The following CUBN variants were observed in gnomAD, a reference collection of about 807,000 sequenced individuals.
The protein encoded by CUBN is 460 kDa receptor.
In CUBN, 282 loss-of-function variants were observed where a neutral mutation model predicts 405.3. That is an observed-to-expected ratio of 0.70 (90% confidence interval 0.63 to 0.77). The LOEUF is 0.77. Ranked by LOEUF, CUBN falls within the 30% of genes least tolerant of loss-of-function variation. The probability of loss-of-function intolerance (pLI) is 0.00; values close to 1 mark genes in which losing one functional copy is unlikely to be tolerated. For synonymous variants in CUBN, 1,684 were observed against 1,617.0 expected, an observed-to-expected ratio of 1.04 and a Z score of -0.99; for missense variants, 4,514 against 4,475.2, an observed-to-expected ratio of 1.01 and a Z score of -0.25.
intron 19 of CUBN, among the ~76,000 whole-genome samples, chr10:17,069,535 CT>C (rs1835689251): frequency 6.6e-6 from 1 of 151,932 alleles, no homozygotes; most frequent in Non-Finnish European, 1.5e-5. Context: ...TGGGTGTGTC[CT>C]TTTGTTTTTG....
intron 27 of CUBN, among the ~76,000 whole-genome samples, chr10:17,035,089 A>C (rs949633566): frequency 8.4e-6 from 1 of 119,426 alleles, no homozygotes; most frequent in Non-Finnish European, 2.0e-5. Context: ...TAAAAAAAAA[A>C]AATAAACAAA....
intron 27 of CUBN, among the ~76,000 whole-genome samples, chr10:17,036,917 T>C (rs576563964): frequency 6.6e-6 from 1 of 152,298 alleles, no homozygotes; most frequent in South Asian, 2.1e-4. Flanking sequence ...GTATGTGGTG[T>C]TATGGCTGAG....
intron 58 of CUBN, among the ~76,000 whole-genome samples, chr10:16,872,357 T>TATATATATATATATATAG (rs980619583): frequency 6.6e-6 from 1 of 151,272 alleles, no homozygotes; most frequent in African/African-American, 2.4e-5. Context: ...TACATATATA[T>TATATATATATATATATAG]ATAGATAGAT....
At chr10:16,946,873 A>C (rs1375206373) in intron 36 of CUBN, among the ~76,000 whole-genome samples, 1 of 152,162 alleles carries the variant, frequency 6.6e-6, no homozygotes, top group Non-Finnish European at 1.5e-5. Flanking sequence ...AGAATGCTTA[A>C]TTGAGATGGG....
rs372958337 is a variant in CUBN, at chr10:16,841,037, C to A, written c.9674G>T (p.Gly3225Val). The change falls in exon 61 of 67, where the codon GGG (glycine) becomes GTG (valine). Residue 3225 changes from glycine (G) to valine (V), a missense_variant. This residue lies in a region of CUBN where 1,186 missense variants were observed against 1,186.9 expected (regional missense o/e 1.00). Transcript: ENST00000377833. ...AGCCAAGTTCGCATTTTCACTATCCCCATCATATAACTGAGAAGAAAAACA... is the reference window on the plus strand; with the variant it reads ...AGCCAAGTTCGCATTTTCACTATCCACATCATATAACTGAGAAGAAAAACA... ...CLYDYVKLYD[G>V]DSENANLAGT... The A allele has an allele frequency of 1.9e-6, 3 of 1,613,812 alleles. No individual in the cohort carries two copies. The African/African-American group carries it at 4.0e-5, about 22-fold the overall frequency.
At chr10:17,116,683 T>C (rs1836908744) in intron 6 of CUBN, among the ~76,000 whole-genome samples, 1 of 152,166 alleles carries the variant, frequency 6.6e-6, no homozygotes, top group Non-Finnish European at 1.5e-5. Flanking sequence ...TTGTGGGAAA[T>C]TAGCATTTGA....
intron 58 of CUBN, among the ~76,000 whole-genome samples, chr10:16,872,456 ATATGTTCCCTAAGCTAATGG>A (rs1278576894): frequency 1.3e-5 from 2 of 152,008 alleles, no homozygotes; most frequent in Non-Finnish European, 2.9e-5. Flanking sequence ...CCCTAAATTC[ATATGTTCCCTAAGCTAATGG>A]TATAGGAAGT....
At chr10:17,038,231 T>C (rs955435318) in intron 27 of CUBN, among the ~76,000 whole-genome samples, 3 of 152,204 alleles carry the variant, frequency 2.0e-5, no homozygotes, top group African/African-American at 4.8e-5. Context: ...TTTCCATTTC[T>C]ATATTCAATC....
chr10:16,930,357 A>G (rs1842326555), intron 40 of CUBN, among the ~76,000 whole-genome samples: 1 of 152,226 alleles, frequency 6.6e-6, no homozygotes, highest in South Asian at 2.1e-4. Context: ...CCCATTTTGT[A>G]TATGAGGAAC....
chr10:16,903,465 G>A (rs1841457714), intron 51 of CUBN, among the ~76,000 whole-genome samples: 1 of 151,830 alleles, frequency 6.6e-6, no homozygotes, highest in South Asian at 2.1e-4. Context: ...ATGACTGAAA[G>A]CATAAAGAAC....
intron 28 of CUBN, among the ~76,000 whole-genome samples, chr10:17,016,678 C>A (rs1022493595): frequency 1.3e-5 from 2 of 152,038 alleles, no homozygotes; most frequent in African/African-American, 4.8e-5. Flanking sequence ...GGGTACATAA[C>A]CAATATCCCG....
intron 66 of CUBN, among the ~76,000 whole-genome samples, chr10:16,826,304 A>G (rs1242407730): frequency 1.4e-5 from 2 of 143,666 alleles, no homozygotes; most frequent in Non-Finnish European, 3.1e-5. Flanking sequence ...ACATATTTAC[A>G]TACATAAAAA....
chr10:16,970,340 C>A (rs771284715), intron 31 of CUBN, among the ~76,000 whole-genome samples: 2 of 152,162 alleles, frequency 1.3e-5, no homozygotes, highest in Non-Finnish European at 2.9e-5. Flanking sequence ...AATCAGAGGC[C>A]GAGGCGGGTG....
chr10:16,898,556 A>G (rs1168387548), intron 54 of CUBN, among the ~76,000 whole-genome samples: 2 of 152,160 alleles, frequency 1.3e-5, no homozygotes, highest in Non-Finnish European at 2.9e-5. Context: ...AGTCAGTGGA[A>G]AGTGACAAGC....
intron 23 of CUBN, among the ~76,000 whole-genome samples, chr10:17,046,701 C>T (rs963149901): frequency 6.6e-6 from 1 of 152,100 alleles, no homozygotes; most frequent in Non-Finnish European, 1.5e-5. Flanking sequence ...ACGATAGGGT[C>T]CAATTATGAT....
intron 45 of CUBN, among the ~76,000 whole-genome samples, chr10:16,916,884 G>A (rs1327798296): frequency 6.8e-6 from 1 of 147,962 alleles, no homozygotes; most frequent in Admixed American, 6.9e-5. Context: ...GCGCAATCTC[G>A]GCTCACTGCA....
chr10:16,913,096 G>A (rs886825649), intron 48 of CUBN, among the ~76,000 whole-genome samples: 4 of 152,140 alleles, frequency 2.6e-5, no homozygotes, highest in African/African-American at 4.8e-5. Context: ...GGTGTGAGAG[G>A]AAGGATTCCA....
At chr10:17,059,820 C>T (rs1835464383) in intron 22 of CUBN, among the ~76,000 whole-genome samples, 1 of 152,168 alleles carries the variant, frequency 6.6e-6, no homozygotes, top group African/African-American at 2.4e-5. Flanking sequence ...TAGAAATAAG[C>T]AAAGTAGCTA....
chr10:16,856,098 G>A (rs1839862096), intron 59 of CUBN, among the ~76,000 whole-genome samples: 1 of 152,196 alleles, frequency 6.6e-6, no homozygotes, highest in South Asian at 2.1e-4. Flanking sequence ...ATGCAATAGA[G>A]TCCCACGCAT....
Sources: allele counts gnomAD v4.1 joint callset (sites outside exome capture counted in the v4.1 genomes callset), GRCh38; gene constraint gnomAD v4.1.1; regional missense constraint gnomAD v4.1.1; transcripts MANE v1.5; gene names NCBI Gene and HGNC (gene_info 2026-07-23, HGNC 2026-07-21).